Variants in PTCD3 observed in about 807,000 individuals in gnomAD.
PTCD3 encodes the protein pentatricopeptide repeat domain 3.
In PTCD3, 89 loss-of-function variants were observed where a neutral mutation model predicts 101.9. The ratio of observed to expected loss-of-function variants is 0.87; its 90% CI spans 0.74 to 1.04. The LOEUF (loss-of-function observed/expected upper bound fraction) is 1.04, where lower values mean the gene tolerates loss of function less well. Among genes scored for constraint, PTCD3 ranks in the 50% least tolerant of loss-of-function variants. The pLI, the probability that PTCD3 is intolerant of heterozygous loss-of-function variation, is 0.00. For missense variants in PTCD3, 870 were observed against 828.2 expected (o/e 1.05, Z -0.62); for synonymous variants, 296 against 278.5 (o/e 1.06, Z -0.63).
chr2:86,116,588 C>G lies in PTCD3; in HGVS notation c.299C>G (p.Ser100Cys). The G allele has an allele frequency of 1.2e-6, 2 of 1,606,408 alleles. No individual in the cohort carries two copies. The highest frequency in any genetic ancestry group is 1.7e-6 in the Non-Finnish European group (2 of 1,173,038). ...QDDPYLMPAS[S>C]LESRSFLLAK... ...GATCCTTACCTTATGCCAGCATCATCTTTGGAATCTGTGAGTATTTTCATA... is the reference window on the plus strand; with the variant it reads ...GATCCTTACCTTATGCCAGCATCATGTTTGGAATCTGTGAGTATTTTCATA... Residue 100 changes from serine (S) to cysteine (C), a missense_variant, in exon 5 of 24, where the codon TCT becomes TGT. Physicochemically the swap from Ser to Cys is moderately radical, Grantham distance 112 (BLOSUM62 -1). Coordinates refer to ENST00000254630, the MANE Select transcript of PTCD3 (RefSeq NM_017952.6).
rs1674599824 is a variant in PTCD3, at chr2:86,137,084, T to TTAAA, written c.1924_1925insAAAT (p.Cys642Ter). ...TGGCAAGTGCCTTCAGCTTACCTAT[T>TTAAA]TGTGAGGGCCTCACCCAGAGAGTAA... On this transcript the variant is annotated stop_gained and frameshift_variant, in exon 23 of 24. Transcript: ENST00000254630. LOFTEE classifies it high-confidence loss of function. 6.2e-7 allele frequency: 1 copy of TTAAA among 1,612,286 alleles called. No homozygotes were observed. The highest frequency in any genetic ancestry group is 1.3e-5 in the African/African-American group (1 of 74,978).
intron 6 of PTCD3, among the ~76,000 whole-genome samples, 169 bp from the exon 7 acceptor site, chr2:86,118,752 C>G (rs1674224226): frequency 6.6e-6 from 1 of 152,186 alleles, no homozygotes; most frequent in Non-Finnish European, 1.5e-5. Flanking sequence ...GTTCAATTCC[C>G]TGTGAAGACA....
At chr2:86,135,794 T>C in intron 21 of PTCD3, 1 of 428,600 alleles carries the variant, frequency 2.3e-6, no homozygotes, top group South Asian at 1.8e-5. Flanking sequence ...CTAGCAACTA[T>C]GCTGCTAGTG....
At chr2:86,125,142 A>G (rs570562177) in intron 10 of PTCD3, 60 bp downstream of exon 10, 1 of 1,590,642 alleles carries the variant, frequency 6.3e-7, no homozygotes, top group African/African-American at 1.3e-5. Context: ...TTTCAGCCTC[A>G]GAACTACTAA....
chr2:86,123,624 C>A, intron 8 of PTCD3, 77 bp from the exon 9 acceptor site: 1 of 1,133,640 alleles, frequency 8.8e-7, no homozygotes, highest in Non-Finnish European at 1.2e-6. Flanking sequence ...CTTTGCCTTT[C>A]TGATTTTGAG....
At chr2:86,132,945 C>A in intron 17 of PTCD3, 1 of 554,660 alleles carries the variant, frequency 1.8e-6, no homozygotes. Flanking sequence ...TTCACCATGA[C>A]CTAAGAGTAT....
chr2:86,110,853 G>C, intron 3 of PTCD3: 3 of 693,690 alleles, frequency 4.3e-6, no homozygotes, highest in Non-Finnish European at 8.1e-6. Context: ...TATGAGGGCG[G>C]GATGGAAATC....
At chr2:86,133,553 G>A in intron 19 of PTCD3, 117 bp downstream of exon 19, 2 of 1,010,192 alleles carry the variant, frequency 2.0e-6, no homozygotes, top group South Asian at 1.6e-5. Context: ...TGAACCAAAT[G>A]TGTTAGTTGA....
At chr2:86,108,728 A>G (rs1674015262) in intron 3 of PTCD3, 192 bp downstream of exon 3, 2 of 487,054 alleles carry the variant, frequency 4.1e-6, no homozygotes, top group Non-Finnish European at 7.3e-6. Context: ...GTGAATGAGC[A>G]ATGAGATTTA....
intron 7 of PTCD3, 21 bp from the exon 8 acceptor site, chr2:86,121,458 C>T (rs1674279213): frequency 1.4e-6 from 2 of 1,461,258 alleles, no homozygotes; most frequent in East Asian, 4.5e-5. Context: ...GTTTCTTTAT[C>T]TTTCTGTCTC....
chr2:86,110,564 A>G (rs1325515741), intron 3 of PTCD3, among the ~76,000 whole-genome samples: 1 of 152,226 alleles, frequency 6.6e-6, no homozygotes, highest in Non-Finnish European at 1.5e-5. Context: ...TGCAGTGGAC[A>G]GCTGGCCTGC....
chr2:86,128,736 C>A (rs532590267), intron 14 of PTCD3, among the ~76,000 whole-genome samples: 4 of 152,302 alleles, frequency 2.6e-5, no homozygotes, highest in African/African-American at 9.6e-5. Flanking sequence ...AGTAGATGGA[C>A]TTTGAAGAGA....
chr2:86,114,421 G>A lies in PTCD3; in HGVS notation c.241-2109G>A, dbSNP rs575786979. 3.0e-3 allele frequency among the ~76,000 whole-genome samples: 456 copies of A among 152,180 alleles called. 2 individuals carry two copies. The highest frequency in any genetic ancestry group is 0.014 in the Middle Eastern group (4 of 294). On this transcript the variant is annotated intron_variant, in intron 4 of 23. Transcript: ENST00000254630. ...TCCTGCCTCAGCCTCCTGAGTAGCTGGGACTACAGGCGCCCCCACCCCCAC... is the reference window on the plus strand; with the variant it reads ...TCCTGCCTCAGCCTCCTGAGTAGCTAGGACTACAGGCGCCCCCACCCCCAC...
At chr2:86,133,921 A>T (rs1674534820) in intron 19 of PTCD3, among the ~76,000 whole-genome samples, 1 of 152,228 alleles carries the variant, frequency 6.6e-6, no homozygotes, top group Non-Finnish European at 1.5e-5. Context: ...TGTATCTTTC[A>T]CTAGGTGACT....
At chr2:86,107,090 AT>A (rs1673970360) in intron 1 of PTCD3, 2 of 470,498 alleles carry the variant, frequency 4.3e-6, no homozygotes, top group African/African-American at 4.0e-5. Flanking sequence ...GTAATTTACA[AT>A]ATGTTTTTAT....
At chr2:86,120,073 T>C (rs1257668917) in intron 7 of PTCD3, among the ~76,000 whole-genome samples, 3 of 152,184 alleles carry the variant, frequency 2.0e-5, no homozygotes, top group Non-Finnish European at 4.4e-5. Flanking sequence ...TGTTTGAGAA[T>C]TTTGGTGTGT....
chr2:86,140,063 T>TA lies in PTCD3; in HGVS notation c.*2507dup, dbSNP rs1674656361. 2 of 152,214 alleles carry TA rather than the reference T, an allele frequency of 1.3e-5. No individual in the cohort carries two copies. Among genetic ancestry groups the TA allele is most frequent in the Admixed American group, 1.3e-4 (2 of 15,292 alleles). The allele number at this position is 152,214 out of a possible 1,614,324, so 9.4% of individuals were successfully genotyped here. A position where few individuals can be genotyped will look rare whatever the true frequency, so the allele number is the denominator to read the frequency against. On this transcript the variant is annotated 3_prime_UTR_variant, in exon 24 of 24. Transcript: ENST00000254630. The stretch of plus-strand genomic sequence containing the variant: ...AATCTGGCACGTAGGTGCTTCTTAG[T>TA]AAATGCTTAATGAATGCCACCAACT...
chr2:86,137,850 C>T lies in PTCD3; in HGVS notation c.*291C>T. The T allele has an allele frequency of 2.9e-6, 1 of 342,376 alleles. No individual in the cohort carries two copies. The highest frequency in any genetic ancestry group is 5.7e-6 in the Non-Finnish European group (1 of 175,156). 21.2% of individuals were successfully genotyped at this position (342,376 alleles called of 1,614,324 possible). On this transcript the variant is annotated 3_prime_UTR_variant, in exon 24 of 24. Coordinates refer to ENST00000254630, the MANE Select transcript of PTCD3 (RefSeq NM_017952.6). ...GGCTCTTGTCATCAGGATAAGCCTG[C>T]ACACCTAGAGTGTCGGTGAGCTGAC...
At chr2:86,136,645 CA>C (rs1674589697) in intron 22 of PTCD3, 83 bp downstream of exon 22, 2 of 1,451,734 alleles carry the variant, frequency 1.4e-6, no homozygotes, top group Non-Finnish European at 1.9e-6. Flanking sequence ...TTAGCCACCA[CA>C]TTTGGGCACT....
Sources: allele counts gnomAD v4.1 joint callset (sites outside exome capture counted in the v4.1 genomes callset), GRCh38; gene constraint gnomAD v4.1.1; transcripts MANE v1.5; gene names NCBI Gene and HGNC (gene_info 2026-07-23, HGNC 2026-07-21).